Variants in STAU2 observed in about 807,000 individuals in gnomAD.
The protein encoded by STAU2 is double-stranded RNA-binding protein Staufen homolog 2.
Under a neutral mutation model 65.9 loss-of-function variants are expected in STAU2, and 20 were observed. The observed-to-expected ratio is 0.30, with a 90% CI of 0.21 to 0.44. The LOEUF (loss-of-function observed/expected upper bound fraction) is 0.44, where lower values mean the gene tolerates loss of function less well. Among genes scored for constraint, STAU2 ranks in the 20% least tolerant of loss-of-function variants. The pLI, the probability that STAU2 is intolerant of heterozygous loss-of-function variation, is 1.00. For synonymous variants in STAU2, 232 were observed against 233.9 expected (o/e 0.99, Z 0.07); for missense variants, 558 against 683.9 (o/e 0.82, Z 2.05).
chr8:73,506,543 A>C (rs1282258198), intron 13 of STAU2, among the ~76,000 whole-genome samples: 8 of 152,194 alleles, frequency 5.3e-5, no homozygotes, highest in Non-Finnish European at 1.2e-4. Flanking sequence ...ATTAGAAAAA[A>C]ATGCTAACAA....
chr8:73,697,434 T>A (rs190645322), intron 4 of STAU2: 6 of 151,692 alleles, frequency 4.0e-5, no homozygotes, highest in Admixed American at 3.9e-4. Context: ...CTGAAGGGAG[T>A]TCTTCAATCT....
chr8:73,574,773 G>A (rs1435888552), intron 12 of STAU2, among the ~76,000 whole-genome samples: 1 of 152,098 alleles, frequency 6.6e-6, no homozygotes, highest in African/African-American at 2.4e-5. Context: ...AGGGGGCTGA[G>A]GGAGGGATAG....
intron 9 of STAU2, among the ~76,000 whole-genome samples, chr8:73,607,084 A>G (rs1563453920): frequency 6.6e-6 from 1 of 152,238 alleles, no homozygotes; most frequent in Non-Finnish European, 1.5e-5. Flanking sequence ...AGTTTTACAC[A>G]TGCAAACAAA....
At chr8:73,617,617 T>C (rs1487201978) in intron 6 of STAU2, among the ~76,000 whole-genome samples, 166 bp from the exon 7 acceptor site, 1 of 152,210 alleles carries the variant, frequency 6.6e-6, no homozygotes, top group Admixed American at 6.5e-5. Context: ...AATACATCTA[T>C]AGATAATAGC....
rs1162627908 is a variant in STAU2 at position 73,651,236 on chromosome 8, A to G, written c.410+21871T>C. On this transcript the variant is annotated intron_variant, in intron 6 of 14. Transcript: ENST00000524300. ...AGGTCCTCAAATCTGCCTCCGCCAGAGAGGGCTATGGCTGGGTTGAGGAAA... is the reference window on the plus strand; with the variant it reads ...AGGTCCTCAAATCTGCCTCCGCCAGGGAGGGCTATGGCTGGGTTGAGGAAA... The G allele has an allele frequency of 4.1e-6, 3 of 734,716 alleles. No homozygotes were observed. In the African/African-American group the frequency reaches 5.2e-5, roughly 13 times the overall value. The allele number at this position is 734,716 out of a possible 1,614,324, so 45.5% of individuals were successfully genotyped here.
chr8:73,500,757 G>A (rs576610080), intron 13 of STAU2, among the ~76,000 whole-genome samples: 5 of 151,784 alleles, frequency 3.3e-5, no homozygotes, highest in Non-Finnish European at 7.4e-5. Context: ...CTAATTATAT[G>A]ATCAATGTCT....
chr8:73,585,379 C>T lies in STAU2; in HGVS notation c.1162-2549G>A, dbSNP rs537353961. Among the ~76,000 whole-genome samples, 11 of 152,326 alleles carry T rather than the reference C, an allele frequency of 7.2e-5. No homozygotes were observed. In the South Asian group the frequency reaches 2.1e-3, roughly 29 times the overall value. On this transcript the variant is annotated intron_variant, in intron 11 of 14. Transcript: ENST00000524300. ...CCGGTAATCCCAGATACTCAGGAGG[C>T]TGAGGCAGGAGAATCGCTTGAACCC...
intron 13 of STAU2, among the ~76,000 whole-genome samples, chr8:73,486,532 T>C (rs1467414054): frequency 1.3e-5 from 2 of 151,366 alleles, no homozygotes; most frequent in Non-Finnish European, 2.9e-5. Context: ...GCTATTAGTA[T>C]AAAAAGTAGA....
intron 3 of STAU2, among the ~76,000 whole-genome samples, chr8:73,718,864 G>A (rs540360104): frequency 6.6e-6 from 1 of 152,168 alleles, no homozygotes; most frequent in African/African-American, 2.4e-5. Flanking sequence ...AACACAATTG[G>A]TTTTTGCATA....
At chr8:73,586,827 C>T (rs887188639) in intron 11 of STAU2, among the ~76,000 whole-genome samples, 2 of 151,634 alleles carry the variant, frequency 1.3e-5, no homozygotes, top group African/African-American at 2.4e-5. Flanking sequence ...AGGAAATCTT[C>T]CTAGAAAACA....
chr8:73,729,002 T>A (rs1047562107), intron 3 of STAU2, among the ~76,000 whole-genome samples: 1 of 152,238 alleles, frequency 6.6e-6, no homozygotes, highest in Non-Finnish European at 1.5e-5. Flanking sequence ...TTCCTGATCA[T>A]AAGGGCAAGG....
chr8:73,561,061 A>T (rs1808190356), intron 12 of STAU2, among the ~76,000 whole-genome samples: 1 of 152,196 alleles, frequency 6.6e-6, no homozygotes, highest in African/African-American at 2.4e-5. Flanking sequence ...TTTAACAAGA[A>T]GATTCTGGAG....
At chr8:73,451,129 C>T (rs1045458660) in intron 13 of STAU2, among the ~76,000 whole-genome samples, 13 of 152,172 alleles carry the variant, frequency 8.5e-5, no homozygotes, top group Non-Finnish European at 1.9e-4. Flanking sequence ...ACCCTATAAA[C>T]GTAATCCTTG....
At chr8:73,669,196 G>A (rs961890056) in intron 6 of STAU2, 8 of 665,450 alleles carry the variant, frequency 1.2e-5, no homozygotes, top group East Asian at 1.1e-4. Flanking sequence ...AGCAGAAAGA[G>A]CTTTTCAGTT....
At chr8:73,442,242 T>C (rs1012908129) in intron 13 of STAU2, among the ~76,000 whole-genome samples, 5 of 151,258 alleles carry the variant, frequency 3.3e-5, no homozygotes, top group Non-Finnish European at 7.4e-5. Context: ...TAGTCTCAGC[T>C]ACTCGGGAGG....
intron 13 of STAU2, among the ~76,000 whole-genome samples, chr8:73,491,924 G>C (rs1480234640): frequency 6.6e-6 from 1 of 151,930 alleles, no homozygotes; most frequent in African/African-American, 2.4e-5. Flanking sequence ...AAATACGCAA[G>C]AGAAGAAACC....
intron 11 of STAU2, among the ~76,000 whole-genome samples, chr8:73,594,182 T>C (rs1811020251): frequency 6.6e-6 from 1 of 152,194 alleles, no homozygotes; most frequent in Non-Finnish European, 1.5e-5. Flanking sequence ...TTACAAATAC[T>C]TTTAAAAGAA....
At chr8:73,715,563 G>A (rs1343840627) in intron 3 of STAU2, among the ~76,000 whole-genome samples, 1 of 151,812 alleles carries the variant, frequency 6.6e-6, no homozygotes, top group African/African-American at 2.4e-5. Context: ...GTATTAACAA[G>A]TATGTGGGGA....
chr8:73,687,626 T>C (rs1353159606), intron 5 of STAU2, among the ~76,000 whole-genome samples: 1 of 151,028 alleles, frequency 6.6e-6, no homozygotes, highest in Non-Finnish European at 1.5e-5. Context: ...TGCTCTCAAA[T>C]TCTTGGGTTC....
Sources: allele counts gnomAD v4.1 joint callset (sites outside exome capture counted in the v4.1 genomes callset), GRCh38; gene constraint gnomAD v4.1.1; transcripts MANE v1.5; gene names NCBI Gene and HGNC (gene_info 2026-07-23, HGNC 2026-07-21).